A3GALT2: variants seen among roughly 807,000 people sequenced by gnomAD.
A3GALT2 encodes alpha 1,3-galactosyltransferase 2, also known as alpha-1,3-galactosyltransferase 2.
In A3GALT2, 14 loss-of-function variants were observed where a neutral mutation model predicts 16.6. The observed-to-expected ratio is 0.84, with a 90% CI of 0.56 to 1.32. A3GALT2 has a LOEUF of 1.32. A3GALT2 is among the 40% of genes most tolerant of loss of function. A3GALT2 has a pLI of 0.00. For missense variants in A3GALT2, 600 were observed against 490.9 expected, an observed-to-expected ratio of 1.22 and a Z score of -2.10; for synonymous variants, 253 against 218.0, an observed-to-expected ratio of 1.16 and a Z score of -1.42.
In A3GALT2 at chr1:33,306,836, C is replaced by T. The variant is rs1014587502; in HGVS notation, c.953G>A (p.Gly318Asp). The change falls in exon 5 of 5, where the codon GGC (glycine) becomes GAC (aspartate). Residue 318 changes from glycine to aspartate, a missense_variant. By Grantham distance (94) the Gly-to-Asp change is moderately conservative. Coordinates refer to ENST00000442999, the MANE Select transcript of A3GALT2 (RefSeq NM_001080438.1). ...CGGGCGGCGGATCTCGGCCCGCGGGCCGATGTCCGGGCTCCAGCAGAACTC... is the reference window on the plus strand; with the variant it reads ...CGGGCGGCGGATCTCGGCCCGCGGGTCGATGTCCGGGCTCCAGCAGAACTC... ...SPEFCWSPDIGPRAEIRRPRL... is the reference protein window; with the variant it reads ...SPEFCWSPDIDPRAEIRRPRL... 2 of 1,499,700 alleles carry T rather than the reference C, an allele frequency of 1.3e-6. No individual in the cohort carries two copies. The highest frequency in any genetic ancestry group is 1.2e-5 in the South Asian group (1 of 80,102). 92.9% of individuals were successfully genotyped at this position (1,499,700 alleles called of 1,614,324 possible).
Position 33,307,199 on chromosome 1 carries a change from C to G in A3GALT2, c.590G>C (p.Cys197Ser), listed in dbSNP as rs1188751699. Residue 197 changes from cysteine to serine, a missense_variant, in exon 5 of 5, where the codon TGC becomes TCC. Cys to Ser is a moderately radical substitution (Grantham distance 112). Coordinates refer to ENST00000442999, the MANE Select transcript of A3GALT2 (RefSeq NM_001080438.1). ...LPGREAHFMF[C>S]MDVDQHFSGT... ...GCTGAAGTGCTGGTCCACGTCCATG[C>G]AGAACATGAAGTGCGCCTCGCGGCC... 4 of 1,535,812 alleles carry G rather than the reference C, an allele frequency of 2.6e-6. No homozygotes were observed. In the African/African-American group the frequency reaches 4.3e-5, roughly 16 times the overall value.
intron 1 of A3GALT2, among the ~76,000 whole-genome samples, chr1:33,319,405 A>C (rs1646275417): frequency 6.6e-6 from 1 of 152,174 alleles, no homozygotes; most frequent in African/African-American, 2.4e-5. Flanking sequence ...AGCAGATCTC[A>C]GTGACAGCTC....
intron 4 of A3GALT2, among the ~76,000 whole-genome samples, chr1:33,308,750 G>GTTTTTTTTTTGTT (rs1646216379): frequency 2.2e-5 from 1 of 46,130 alleles, no homozygotes; most frequent in Non-Finnish European, 3.8e-5. Context: ...TGTCAAAGTT[G>GTTTTTTTTTTGTT]TTTTTTTTTT....
chr1:33,312,247 A>G, intron 3 of A3GALT2, 58 bp from the exon 4 acceptor site: 2 of 1,600,242 alleles, frequency 1.2e-6, no homozygotes, highest in African/African-American at 1.3e-5. Flanking sequence ...CACTTGGTGC[A>G]TGTTCACTGC....
intron 4 of A3GALT2, among the ~76,000 whole-genome samples, chr1:33,311,219 G>A (rs1042955983): frequency 2.6e-5 from 4 of 152,292 alleles, no homozygotes; most frequent in South Asian, 4.1e-4. Context: ...TCGACACCCA[G>A]TTTAGACACT....
chr1:33,310,176 G>A (rs149592187), intron 4 of A3GALT2, among the ~76,000 whole-genome samples: 14,578 of 152,244 alleles, frequency 0.096, 1,003 homozygotes, highest in East Asian at 0.26. Context: ...GGCGGCGCGC[G>A]CCTGCAATCC....
chr1:33,316,267 C>T (rs377476108), intron 1 of A3GALT2, among the ~76,000 whole-genome samples: 1 of 151,982 alleles, frequency 6.6e-6, no homozygotes, highest in East Asian at 1.9e-4. Context: ...AGTGTAGTAG[C>T]AGATGAGGAG....
intron 1 of A3GALT2, among the ~76,000 whole-genome samples, chr1:33,318,052 G>T (rs1350799932): frequency 6.6e-6 from 1 of 152,210 alleles, no homozygotes; most frequent in Non-Finnish European, 1.5e-5. Context: ...AGGTGAAAAG[G>T]AAGGAATAAC....
Position 33,312,207 on chromosome 1 carries a change from G to A in A3GALT2, c.198-18C>T. ...GCCGGGCCCTGGCCAGGGCAGGGAT[G>A]GGAAATGGAAATAGCTCCATTCATC... On this transcript the variant is annotated intron_variant, in intron 3 of 4. Transcript: ENST00000442999. The A allele has an allele frequency of 6.2e-7, 1 of 1,612,160 alleles. No individual in the cohort carries two copies. Among genetic ancestry groups the A allele is most frequent in the Non-Finnish European group, 8.5e-7 (1 of 1,179,446 alleles).
In A3GALT2 at chr1:33,312,638, C is replaced by T. The variant is rs776392560; in HGVS notation, c.108-48G>A. 39 of 1,510,192 alleles carry T rather than the reference C, an allele frequency of 2.6e-5. No individual in the cohort carries two copies. In the South Asian group the frequency reaches 4.2e-4, roughly 16 times the overall value. 93.5% of individuals were successfully genotyped at this position (1,510,192 alleles called of 1,614,324 possible). A position where few individuals can be genotyped will look rare whatever the true frequency, so the allele number is the denominator to read the frequency against. On this transcript the variant is annotated intron_variant, in intron 2 of 4. Coordinates refer to ENST00000442999, the MANE Select transcript of A3GALT2 (RefSeq NM_001080438.1). ...GGGCAGGCAGCCGTGAGAAGCATGT[C>T]AGCCTGGCCAGGAGCCCTCTGGCTT...
Position 33,307,465 on chromosome 1 carries a change from G to T in A3GALT2, c.336-12C>A, listed in dbSNP as rs767947139. ...ACTTCTCCAGGTATCTAAGGGCGCGGCGCCACCGTCAGCCTGAGAGTGAAG... is the reference window on the plus strand; with the variant it reads ...ACTTCTCCAGGTATCTAAGGGCGCGTCGCCACCGTCAGCCTGAGAGTGAAG... On this transcript the variant is annotated splice_polypyrimidine_tract_variant and intron_variant, in intron 4 of 4. Coordinates refer to ENST00000442999, the MANE Select transcript of A3GALT2 (RefSeq NM_001080438.1). The T allele has an allele frequency of 2.0e-6, 3 of 1,481,586 alleles. No homozygotes were observed. Among genetic ancestry groups the T allele is most frequent in the Non-Finnish European group, 2.7e-6 (3 of 1,125,958 alleles). The allele number at this position is 1,481,586 out of a possible 1,614,324, so 91.8% of individuals were successfully genotyped here. A position where few individuals can be genotyped will look rare whatever the true frequency, so the allele number is the denominator to read the frequency against.
intron 4 of A3GALT2, among the ~76,000 whole-genome samples, chr1:33,309,654 G>A (rs1312647260): frequency 7.1e-6 from 1 of 140,438 alleles, no homozygotes; most frequent in Non-Finnish European, 1.5e-5. Context: ...ACGCTCCTCA[G>A]TTCCCAGACG....
intron 1 of A3GALT2, chr1:33,314,102 G>A (rs1646250398): frequency 7.9e-6 from 1 of 126,296 alleles, no homozygotes; most frequent in Non-Finnish European, 1.6e-5. Flanking sequence ...TCGCTCTGTA[G>A]CCCAGGCTAG....
intron 4 of A3GALT2, among the ~76,000 whole-genome samples, chr1:33,308,762 T>G (rs1374779406): frequency 1.8e-5 from 2 of 111,838 alleles, no homozygotes; most frequent in South Asian, 2.5e-4. Flanking sequence ...TTTTTTTTTT[T>G]TTTTTTTTTT....
chr1:33,312,181 G>C lies in A3GALT2; in HGVS notation c.206C>G (p.Pro69Arg). Residue 69 changes from proline to arginine, a missense_variant, in exon 4 of 5, where the codon CCT (proline) becomes CGT (arginine). Pro to Arg is a moderately radical substitution (Grantham distance 103). Coordinates refer to ENST00000442999, the MANE Select transcript of A3GALT2 (RefSeq NM_001080438.1). Reference protein sequence around the residue: ...FTGALRPWARPEVLTCTPWGA... With the variant: ...FTGALRPWARREVLTCTPWGA... ...CCAGGGGGTACAGGTCAGAACTTCAGGCCGGGCCCTGGCCAGGGCAGGGAT... is the reference window on the plus strand; with the variant it reads ...CCAGGGGGTACAGGTCAGAACTTCACGCCGGGCCCTGGCCAGGGCAGGGAT... 1 of 1,613,332 alleles carries C rather than the reference G, an allele frequency of 6.2e-7. No individual in the cohort carries two copies. Among genetic ancestry groups the C allele is most frequent in the Non-Finnish European group, 8.5e-7 (1 of 1,179,782 alleles).
Position 33,309,645 on chromosome 1 carries a change from C to T in A3GALT2, c.336-2192G>A, listed in dbSNP as rs546368564. ...AGACGGGGTGGCGGTCGGGCAGAGA[C>T]GCTCCTCAGTTCCCAGACGGGGGTC... On this transcript the variant is annotated intron_variant, in intron 4 of 4. Transcript: ENST00000442999. Among the ~76,000 whole-genome samples, 600 of 148,414 alleles carry T rather than the reference C, an allele frequency of 4.0e-3. 4 individuals carry two copies. The highest frequency in any genetic ancestry group is 0.011 in the African/African-American group (446 of 39,946).
intron 3 of A3GALT2, 129 bp downstream of exon 3, chr1:33,312,372 G>C: frequency 7.7e-7 from 1 of 1,293,030 alleles, no homozygotes; most frequent in South Asian, 1.5e-5. Flanking sequence ...GGCCCGATGG[G>C]GCTGCTGGAC....
intron 1 of A3GALT2, among the ~76,000 whole-genome samples, chr1:33,319,897 C>G (rs1435299072): frequency 6.6e-6 from 1 of 152,008 alleles, no homozygotes; most frequent in African/African-American, 2.4e-5. Flanking sequence ...TCAGGGTGCA[C>G]CTTCAGTAGG....
intron 1 of A3GALT2, among the ~76,000 whole-genome samples, chr1:33,319,625 G>A (rs1171276024): frequency 1.3e-5 from 2 of 151,864 alleles, no homozygotes; most frequent in Admixed American, 6.6e-5. Flanking sequence ...ACCTGCGCAC[G>A]TGGCCTGCAC....
Sources: allele counts gnomAD v4.1 joint callset (sites outside exome capture counted in the v4.1 genomes callset), GRCh38; gene constraint gnomAD v4.1.1; transcripts MANE v1.5; gene names NCBI Gene and HGNC (gene_info 2026-07-23, HGNC 2026-07-21).